Variants in P2RY2 observed in about 807,000 individuals in gnomAD.
P2RY2 encodes P2Y purinoceptor 2.
For missense variants in P2RY2, 567 were observed against 515.7 expected (o/e 1.10, Z -0.96); for synonymous variants, 241 against 231.9 (o/e 1.04, Z -0.35).
At chr11:73,221,638 A>G (rs1009113998) in intron 1 of P2RY2, among the ~76,000 whole-genome samples, 1 of 152,058 alleles carries the variant, frequency 6.6e-6, no homozygotes, top group Non-Finnish European at 1.5e-5. Context: ...CCTCTCCCCA[A>G]ACTGCTTTCT....
intron 1 of P2RY2, among the ~76,000 whole-genome samples, chr11:73,225,091 T>C (rs1862239690): frequency 6.6e-6 from 1 of 152,108 alleles, no homozygotes; most frequent in South Asian, 2.1e-4. Context: ...CTGGCAGAGA[T>C]AGGCAGCAGG....
chr11:73,233,510 T>A (rs1183795456), intron 2 of P2RY2, among the ~76,000 whole-genome samples: 2 of 152,154 alleles, frequency 1.3e-5, no homozygotes, highest in Non-Finnish European at 2.9e-5. Context: ...CCCCTTCCCA[T>A]GAACTCAAAA....
chr11:73,220,006 C>T (rs1308877961), intron 1 of P2RY2, among the ~76,000 whole-genome samples: 1 of 152,320 alleles, frequency 6.6e-6, no homozygotes, highest in Non-Finnish European at 1.5e-5. Context: ...GGTCTAGGGG[C>T]TCCTGGAGGG....
At chr11:73,229,824 G>C (rs76289909) in intron 2 of P2RY2, among the ~76,000 whole-genome samples, 13,930 of 151,966 alleles carry the variant, frequency 0.092, 2,182 homozygotes, top group African/African-American at 0.32. Flanking sequence ...CCTCGGCACG[G>C]GGGCAGAAAC....
chr11:73,233,997 T>C, intron 2 of P2RY2, 159 bp from the exon 3 acceptor site: 1 of 761,718 alleles, frequency 1.3e-6, no homozygotes, highest in South Asian at 1.9e-5. Context: ...CTGATATTTA[T>C]TCATTGATCT....
chr11:73,218,997 T>C (rs572674435), intron 1 of P2RY2, among the ~76,000 whole-genome samples: 1 of 152,290 alleles, frequency 6.6e-6, no homozygotes, highest in East Asian at 1.9e-4. Flanking sequence ...GCTTTTAATC[T>C]GGCAAATGGT....
chr11:73,234,942 C>T lies in P2RY2; in HGVS notation c.783C>T (p.Phe261=). The T allele has an allele frequency of 2.5e-6, 4 of 1,611,062 alleles. No individual in the cohort carries two copies. The highest frequency in any genetic ancestry group is 3.4e-6 in the Non-Finnish European group (4 of 1,180,006). ...TCTTCGCCCTCTGCTTCCTGCCATT[C>T]CACGTCACCCGCACCCTCTACTACT... ...LAVFALCFLP[F]HVTRTLYYSF... The change falls in exon 3 of 3, where the codon TTC becomes TTT. Residue 261 remains phenylalanine, a synonymous_variant. Transcript: ENST00000393597.
Position 73,238,698 on chromosome 11 carries a change from A to AG in P2RY2, c.*3408dup, listed in dbSNP as rs1472396187. Among the ~76,000 whole-genome samples, 1 of 152,202 alleles carries AG rather than the reference A, an allele frequency of 6.6e-6. No homozygotes were observed. Among genetic ancestry groups the AG allele is most frequent in the African/African-American group, 2.4e-5 (1 of 41,452 alleles). On this transcript the variant is annotated 3_prime_UTR_variant, in exon 3 of 3. Coordinates refer to ENST00000393597, the MANE Select transcript of P2RY2 (RefSeq NM_002564.4). ...ATTTAGCAGATGAGGAAACAGGAGAAGGGCGTGAGAAGTGAGGACTTGTTC... is the reference window on the plus strand; with the variant it reads ...ATTTAGCAGATGAGGAAACAGGAGAAGGGGCGTGAGAAGTGAGGACTTGTTC...
Position 73,237,159 on chromosome 11 carries a change from G to C in P2RY2, c.*1866G>C, listed in dbSNP as rs75634155. 3,152 of 977,892 alleles carry C rather than the reference G, an allele frequency of 3.2e-3. 77 individuals are homozygous for C. In the African/African-American group the frequency reaches 0.05, roughly 16 times the overall value. 60.6% of individuals were successfully genotyped at this position (977,892 alleles called of 1,614,324 possible). On this transcript the variant is annotated 3_prime_UTR_variant, in exon 3 of 3. Transcript: ENST00000393597. ...AAATGATTACTCTGTACTGTGCCAG[G>C]TGGGTGACCTGCCCAGAATAGTGTG...
At chr11:73,232,143 C>A (rs1862478181) in intron 2 of P2RY2, among the ~76,000 whole-genome samples, 1 of 152,176 alleles carries the variant, frequency 6.6e-6, no homozygotes, top group South Asian at 2.1e-4. Flanking sequence ...TCTTCATCTG[C>A]CCTTTCCACC....
chr11:73,226,125 C>T (rs7941277), intron 1 of P2RY2, among the ~76,000 whole-genome samples: 5,199 of 152,168 alleles, frequency 0.034, 289 homozygotes, highest in African/African-American at 0.12. Flanking sequence ...AGTGCATGTC[C>T]GAGGAATTTC....
rs1447669947 is a variant in P2RY2, at chr11:73,234,403, T to C, written c.244T>C (p.Tyr82His). 1 of 1,614,240 alleles carries C rather than the reference T, an allele frequency of 6.2e-7. No individual in the cohort carries two copies. Residue 82 changes from tyrosine (Y) to histidine (H), a missense_variant, in exon 3 of 3, where the codon TAT (tyrosine) becomes CAT (histidine). By Grantham distance (83) the Tyr-to-His change is moderately conservative (BLOSUM62 2). Coordinates refer to ENST00000393597, the MANE Select transcript of P2RY2 (RefSeq NM_002564.4). Reference protein sequence around the residue: ...MFHLAVSDALYAASLPLLVYY... With the variant: ...MFHLAVSDALHAASLPLLVYY... ...CCACCTGGCTGTGTCTGATGCACTG[T>C]ATGCGGCCTCCCTGCCGCTGCTGGT...
rs78862010 is a variant in P2RY2, at chr11:73,233,699, G to C, written c.-4-457G>C. On this transcript the variant is annotated intron_variant, in intron 2 of 2. Coordinates refer to ENST00000393597, the MANE Select transcript of P2RY2 (RefSeq NM_002564.4). ...TTTTGTAGAGATGGGGTCTCACTTT[G>C]TTGCCTAGGCTGGGCTTAAACACCT... Among the ~76,000 whole-genome samples the C allele has an allele frequency of 9.5e-3, 1,442 of 152,350 alleles. 19 individuals are homozygous for C. Among genetic ancestry groups the C allele is most frequent in the African/African-American group, 0.033 (1,358 of 41,576 alleles).
Position 73,234,558 on chromosome 11 carries a change from G to A in P2RY2, c.399G>A (p.Leu133=). The stretch of plus-strand genomic sequence containing the variant: ...CCTGCATCAGCGTGCACCGGTGTCT[G>A]GGCGTCTTACGACCTCTGCGCTCCC... The part of the protein sequence containing the change: ...FLTCISVHRC[L]GVLRPLRSLR... The change falls in exon 3 of 3, where the codon CTG becomes CTA. Residue 133 remains leucine, a synonymous_variant. Transcript: ENST00000393597. The A allele has an allele frequency of 6.3e-7, 1 of 1,593,804 alleles. No homozygotes were observed. The highest frequency in any genetic ancestry group is 1.1e-5 in the South Asian group (1 of 86,992).
chr11:73,229,427 G>A (rs1275822935), intron 2 of P2RY2, among the ~76,000 whole-genome samples: 1 of 152,156 alleles, frequency 6.6e-6, no homozygotes. Flanking sequence ...GCCGTCTCTA[G>A]TCCCAGGGGC....
chr11:73,224,012 G>T (rs1862202543), intron 1 of P2RY2, among the ~76,000 whole-genome samples: 1 of 152,164 alleles, frequency 6.6e-6, no homozygotes, highest in Non-Finnish European at 1.5e-5. Flanking sequence ...AGGATCCTAG[G>T]GGGGTCCCAA....
chr11:73,223,123 C>T (rs1367301752), intron 1 of P2RY2, among the ~76,000 whole-genome samples: 1 of 152,306 alleles, frequency 6.6e-6, no homozygotes, highest in South Asian at 2.1e-4. Context: ...AGCCTTCACA[C>T]CCGGAACCAG....
chr11:73,242,124 T>C lies in P2RY2; in HGVS notation c.*6831T>C, dbSNP rs1295323909. 6.6e-6 allele frequency: 1 copy of C among 152,068 alleles called. No individual in the cohort carries two copies. The highest frequency in any genetic ancestry group is 2.4e-5 in the African/African-American group (1 of 41,378). 9.4% of individuals were successfully genotyped at this position (152,068 alleles called of 1,614,324 possible). ...TGGGGCAAGGAACCCTGAGAAGATGTCTTACCCCAGTTGTTTCCAGGTTTC... is the reference window on the plus strand; with the variant it reads ...TGGGGCAAGGAACCCTGAGAAGATGCCTTACCCCAGTTGTTTCCAGGTTTC... On this transcript the variant is annotated 3_prime_UTR_variant, in exon 3 of 3. Coordinates refer to ENST00000393597, the MANE Select transcript of P2RY2 (RefSeq NM_002564.4).
At chr11:73,222,553 C>T (rs1862150383) in intron 1 of P2RY2, among the ~76,000 whole-genome samples, 1 of 152,154 alleles carries the variant, frequency 6.6e-6, no homozygotes, top group Admixed American at 6.5e-5. Flanking sequence ...AAGTGAATTC[C>T]TCAGGCTCCC....
Sources: allele counts gnomAD v4.1 joint callset (sites outside exome capture counted in the v4.1 genomes callset), GRCh38; gene constraint gnomAD v4.1.1; transcripts MANE v1.5; gene names NCBI Gene and HGNC (gene_info 2026-07-23, HGNC 2026-07-21).